Variants in ERBB4 observed in about 807,000 individuals in gnomAD.
ERBB4 encodes erb-b2 receptor tyrosine kinase 4.
ERBB4 carries 42 observed loss-of-function variants against 158.0 expected under a neutral mutation model. The ratio of observed to expected loss-of-function variants is 0.27; its 90% CI spans 0.21 to 0.34. The LOEUF is 0.34. Among genes scored for constraint, ERBB4 ranks in the 10% least tolerant of loss-of-function variants. The pLI, the probability that ERBB4 is intolerant of heterozygous loss-of-function variation, is 1.00. For missense variants in ERBB4, 1,333 were observed against 1,624.1 expected (o/e 0.82, Z 3.08); for synonymous variants, 583 against 558.7 (o/e 1.04, Z -0.61).
chr2:212,132,546 C>T (rs2080137287), intron 1 of ERBB4, among the ~76,000 whole-genome samples: 1 of 152,146 alleles, frequency 6.6e-6, no homozygotes, highest in Admixed American at 6.6e-5. Context: ...AATTTTCTCT[C>T]TGCCTGACTG....
At chr2:212,114,968 C>T (rs1031775014) in intron 2 of ERBB4, among the ~76,000 whole-genome samples, 3 of 152,094 alleles carry the variant, frequency 2.0e-5, no homozygotes, top group African/African-American at 7.2e-5. Context: ...AGGTGCTGGG[C>T]ATCATGATAG....
intron 7 of ERBB4, among the ~76,000 whole-genome samples, chr2:211,718,074 GA>G (rs1367162872): frequency 6.6e-6 from 1 of 151,964 alleles, no homozygotes; most frequent in African/African-American, 2.4e-5. Context: ...ACCACGACCG[GA>G]TAATTTTTGT....
intron 20 of ERBB4, among the ~76,000 whole-genome samples, chr2:211,513,712 C>G (rs1393100783): frequency 6.6e-6 from 1 of 151,524 alleles, no homozygotes; most frequent in Non-Finnish European, 1.5e-5. Context: ...CTTTGGCAGG[C>G]GCCCCCAACC....
At chr2:212,075,260 G>C (rs1233621301) in intron 2 of ERBB4, among the ~76,000 whole-genome samples, 1 of 151,756 alleles carries the variant, frequency 6.6e-6, no homozygotes, top group African/African-American at 2.4e-5. Flanking sequence ...TATATTTATT[G>C]TGTAAGAAAG....
intron 20 of ERBB4, among the ~76,000 whole-genome samples, chr2:211,531,730 C>A (rs2066504722): frequency 6.6e-6 from 1 of 152,038 alleles, no homozygotes; most frequent in Non-Finnish European, 1.5e-5. Context: ...ATTAGTACAA[C>A]CACTATGGAG....
intron 2 of ERBB4, among the ~76,000 whole-genome samples, chr2:212,084,830 C>T (rs1425404106): frequency 2.6e-5 from 4 of 151,752 alleles, no homozygotes; most frequent in Non-Finnish European, 4.4e-5. Context: ...TACACAAAAA[C>T]ATTATTTGTA....
chr2:212,114,967 G>C (rs997651626), intron 2 of ERBB4, among the ~76,000 whole-genome samples: 4 of 152,092 alleles, frequency 2.6e-5, no homozygotes, highest in Admixed American at 6.6e-5. Flanking sequence ...AAGGTGCTGG[G>C]CATCATGATA....
At chr2:211,609,148 A>G (rs1410695221) in intron 19 of ERBB4, among the ~76,000 whole-genome samples, 1 of 152,112 alleles carries the variant, frequency 6.6e-6, no homozygotes, top group African/African-American at 2.4e-5. Flanking sequence ...AAGGCAAGCC[A>G]TAGAACCTAG....
At chr2:211,429,580 T>G (rs2063706903) in intron 21 of ERBB4, among the ~76,000 whole-genome samples, 1 of 152,196 alleles carries the variant, frequency 6.6e-6, no homozygotes, top group South Asian at 2.1e-4. Flanking sequence ...GGGAATATAA[T>G]TAGATTCTAT....
intron 1 of ERBB4, among the ~76,000 whole-genome samples, chr2:212,185,294 T>C: frequency 6.6e-6 from 1 of 151,920 alleles, no homozygotes; most frequent in South Asian, 2.1e-4. Flanking sequence ...AATGCTGGGA[T>C]TAGAGGTGTG....
At chr2:211,538,507 T>A (rs1408540025) in intron 20 of ERBB4, among the ~76,000 whole-genome samples, 1 of 151,804 alleles carries the variant, frequency 6.6e-6, no homozygotes, top group African/African-American at 2.4e-5. Flanking sequence ...TTTCTAGGCA[T>A]AAAATTCCTC....
At chr2:211,927,765 G>T (rs186116563) in intron 3 of ERBB4, among the ~76,000 whole-genome samples, 395 of 151,754 alleles carry the variant, frequency 2.6e-3, no homozygotes, top group Non-Finnish European at 4.5e-3. Context: ...TTGGCTAGTT[G>T]GTTGGTTTTC....
chr2:212,069,194 A>T (rs1031833682), intron 2 of ERBB4, among the ~76,000 whole-genome samples: 2 of 152,112 alleles, frequency 1.3e-5, no homozygotes, highest in Non-Finnish European at 2.9e-5. Flanking sequence ...AAATATTAGC[A>T]AGCCAAATCC....
At chr2:212,444,641 G>A (rs764515886) in intron 1 of ERBB4, among the ~76,000 whole-genome samples, 2 of 152,128 alleles carry the variant, frequency 1.3e-5, no homozygotes, top group African/African-American at 2.4e-5. Context: ...AGCCACCTCC[G>A]TCATTGCCCA....
chr2:212,492,631 T>C (rs1001380230), intron 1 of ERBB4, among the ~76,000 whole-genome samples: 2 of 151,414 alleles, frequency 1.3e-5, no homozygotes, highest in Non-Finnish European at 3.0e-5. Context: ...TTTAAAATGA[T>C]CAGATCTAAT....
intron 20 of ERBB4, among the ~76,000 whole-genome samples, chr2:211,432,022 T>C (rs941100578): frequency 2.0e-5 from 3 of 152,184 alleles, no homozygotes; most frequent in African/African-American, 4.8e-5. Flanking sequence ...AAAGAACTTA[T>C]GTAAAACTAA....
At chr2:212,310,411 G>A (rs954960340) in intron 1 of ERBB4, among the ~76,000 whole-genome samples, 1 of 150,594 alleles carries the variant, frequency 6.6e-6, no homozygotes, top group Non-Finnish European at 1.5e-5. Flanking sequence ...ATTAACCCAT[G>A]TTACTTCTCT....
At chr2:211,938,593 T>C (rs1159257473) in intron 3 of ERBB4, among the ~76,000 whole-genome samples, 1 of 152,180 alleles carries the variant, frequency 6.6e-6, no homozygotes, top group African/African-American at 2.4e-5. Context: ...CTCTGTTGTG[T>C]GGCACATATT....
intron 20 of ERBB4, among the ~76,000 whole-genome samples, chr2:211,493,069 T>C (rs1350667472): frequency 6.6e-6 from 1 of 152,124 alleles, no homozygotes; most frequent in African/African-American, 2.4e-5. Context: ...ATGGAGTCAC[T>C]CTTGTGAGGC....
Sources: gnomAD v4.1 joint callset for allele counts (sites outside exome capture counted in the v4.1 genomes callset) on GRCh38, gnomAD v4.1.1 for gene constraint, MANE v1.5 for transcripts, NCBI Gene and HGNC (gene_info 2026-07-23, HGNC 2026-07-21) for gene names.